DDR2: variants seen among roughly 807,000 people sequenced by gnomAD.
The protein encoded by DDR2 is discoidin domain-containing receptor 2.
DDR2 carries 27 observed loss-of-function variants against 94.9 expected under a neutral mutation model. That is an observed-to-expected ratio of 0.28 (90% CI 0.21 to 0.39). The LOEUF is 0.39. Ranked by LOEUF, DDR2 falls within the 10% of genes least tolerant of loss-of-function variation. The probability of loss-of-function intolerance (pLI) is 1.00; values close to 1 mark genes in which losing one functional copy is unlikely to be tolerated. For synonymous variants in DDR2, 382 were observed against 377.2 expected (o/e 1.01, Z -0.15); for missense variants, 783 against 1,076.0 (o/e 0.73, Z 3.81).
At chr1:162,736,605 A>G (rs1239673773) in intron 3 of DDR2, among the ~76,000 whole-genome samples, 1 of 152,220 alleles carries the variant, frequency 6.6e-6, no homozygotes. Flanking sequence ...TGTCATCATT[A>G]CTGCATTTTA....
Position 162,748,664 on chromosome 1 carries a change from A to T in DDR2, c.83-4431A>T, listed in dbSNP as rs527898210. 1.8e-4 allele frequency among the ~76,000 whole-genome samples: 27 copies of T among 152,324 alleles called. 2 individuals carry two copies. The South Asian group carries it at 3.7e-3, about 21-fold the overall frequency. On this transcript the variant is annotated intron_variant, in intron 3 of 17. Coordinates refer to ENST00000367921, the MANE Select transcript of DDR2 (RefSeq NM_006182.4). ...TCTGCACCAAGTGGACCTAATAGAC[A>T]TCTACAGAACTCTCCACTACAAATC...
intron 3 of DDR2, among the ~76,000 whole-genome samples, chr1:162,742,525 G>A (rs1662662796): frequency 1.3e-5 from 2 of 152,236 alleles, no homozygotes; most frequent in Admixed American, 6.5e-5. Flanking sequence ...TGAACTTAGA[G>A]CGAGAGCTCA....
intron 3 of DDR2, among the ~76,000 whole-genome samples, chr1:162,740,593 G>A (rs1662540253): frequency 6.6e-6 from 1 of 152,082 alleles, no homozygotes; most frequent in African/African-American, 2.4e-5. Context: ...ATAAAAGAAT[G>A]CCTATTCCTT....
In DDR2 at chr1:162,679,868, C is replaced by T. The variant is rs188273747; in HGVS notation, c.-28+24494C>T. Among the ~76,000 whole-genome samples, 113 of 152,178 alleles carry T rather than the reference C, an allele frequency of 7.4e-4. 1 individual carries two copies. The South Asian group carries it at 0.022, about 30-fold the overall frequency. On this transcript the variant is annotated intron_variant, in intron 2 of 17. Coordinates refer to ENST00000367921, the MANE Select transcript of DDR2 (RefSeq NM_006182.4). ...GGTATCTTATTATGGTTTTGATTTG[C>T]AGTGCTCTAATGATTAGTGATGTCA...
chr1:162,755,581 G>A (rs1663423063), intron 6 of DDR2, 83 bp from the exon 7 acceptor site: 1 of 1,344,998 alleles, frequency 7.4e-7, no homozygotes, highest in African/African-American at 1.4e-5. Flanking sequence ...CGCTGTGCAA[G>A]CTTATACCCT....
intron 3 of DDR2, among the ~76,000 whole-genome samples, chr1:162,747,268 C>T (rs1205011319): frequency 6.6e-6 from 1 of 152,028 alleles, no homozygotes; most frequent in South Asian, 2.1e-4. Context: ...AGCTAAAAAC[C>T]TTGAAAAAAG....
chr1:162,771,884 A>G (rs1647239452), intron 12 of DDR2, 140 bp from the exon 13 acceptor site: 1 of 870,736 alleles, frequency 1.1e-6, no homozygotes, highest in Admixed American at 2.3e-5. Context: ...AGGAAGCAAA[A>G]CCATTTTCCA....
intron 2 of DDR2, among the ~76,000 whole-genome samples, chr1:162,665,222 AC>A (rs1355448706): frequency 6.6e-6 from 1 of 152,208 alleles, no homozygotes. Flanking sequence ...CATGCGTTAA[AC>A]ATCATAAAGT....
intron 2 of DDR2, among the ~76,000 whole-genome samples, chr1:162,666,118 G>A (rs1658545700): frequency 6.6e-6 from 1 of 152,148 alleles, no homozygotes; most frequent in African/African-American, 2.4e-5. Context: ...CCAGCACAAA[G>A]GGCACTGTTA....
rs1013008888 is a variant in DDR2 at position 162,781,654 on chromosome 1, G to A, written c.*1408G>A. ...TATACACACTCTTGCCTCTGAGATGGCGTGACCAGCAGAAAAGAAAGCTCA... is the reference window on the plus strand; with the variant it reads ...TATACACACTCTTGCCTCTGAGATGACGTGACCAGCAGAAAAGAAAGCTCA... On this transcript the variant is annotated 3_prime_UTR_variant, in exon 18 of 18. Transcript: ENST00000367921. The A allele has an allele frequency of 9.2e-5, 14 of 152,148 alleles. No homozygotes were observed. The highest frequency in any genetic ancestry group is 2.9e-4 in the African/African-American group (12 of 41,416). The allele number at this position is 152,148 out of a possible 1,614,324, so 9.4% of individuals were successfully genotyped here. A position where few individuals can be genotyped will look rare whatever the true frequency, so the allele number is the denominator to read the frequency against.
intron 7 of DDR2, 98 bp downstream of exon 7, chr1:162,755,867 T>C (rs961253930): frequency 2.0e-6 from 2 of 990,046 alleles, no homozygotes; most frequent in African/African-American, 1.6e-5. Flanking sequence ...AACCAATCAG[T>C]ATTTATTTAG....
At chr1:162,658,434 A>G (rs1257360303) in intron 2 of DDR2, among the ~76,000 whole-genome samples, 1 of 152,180 alleles carries the variant, frequency 6.6e-6, no homozygotes, top group African/African-American at 2.4e-5. Flanking sequence ...GGATTATTTT[A>G]GAAAGGCAAG....
intron 2 of DDR2, among the ~76,000 whole-genome samples, chr1:162,689,439 A>T (rs560033616): frequency 6.6e-6 from 1 of 152,168 alleles, no homozygotes; most frequent in Non-Finnish European, 1.5e-5. Flanking sequence ...TAAGGTTTCA[A>T]CCTAGGCAGT....
chr1:162,752,629 G>T (rs1279204959), intron 3 of DDR2, among the ~76,000 whole-genome samples: 1 of 152,134 alleles, frequency 6.6e-6, no homozygotes, highest in Non-Finnish European at 1.5e-5. Flanking sequence ...TCCCTTCATA[G>T]GTGAGTGTGT....
chr1:162,678,714 G>A (rs1659251763), intron 2 of DDR2, among the ~76,000 whole-genome samples: 1 of 152,146 alleles, frequency 6.6e-6, no homozygotes, highest in Non-Finnish European at 1.5e-5. Flanking sequence ...AAAACCGTCT[G>A]TCCTCACAAA....
intron 13 of DDR2, 87 bp from the exon 14 acceptor site, chr1:162,773,382 T>C: frequency 3.8e-6 from 6 of 1,576,708 alleles, no homozygotes; most frequent in Non-Finnish European, 5.2e-6. Flanking sequence ...TTGTAAGAGT[T>C]AGTTTATCTC....
chr1:162,650,514 T>A (rs1657636022), intron 1 of DDR2, among the ~76,000 whole-genome samples: 1 of 152,132 alleles, frequency 6.6e-6, no homozygotes, highest in Admixed American at 6.5e-5. Flanking sequence ...GAGAATCGCT[T>A]GAACCTGGGA....
In DDR2 at chr1:162,743,734, C is replaced by T. The variant is rs116805561; in HGVS notation, c.83-9361C>T. ...TGAAGTACAATAGACATACAATAGA[C>T]TGCACACATTAAAAATGCACAAGTT... On this transcript the variant is annotated intron_variant, in intron 3 of 17. Coordinates refer to ENST00000367921, the MANE Select transcript of DDR2 (RefSeq NM_006182.4). Among the ~76,000 whole-genome samples, 1,443 of 152,316 alleles carry T rather than the reference C, an allele frequency of 9.5e-3. 21 individuals are homozygous for T. Among genetic ancestry groups the T allele is most frequent in the African/African-American group, 0.033 (1,378 of 41,568 alleles).
chr1:162,655,668 G>C (rs1657919248), intron 2 of DDR2, among the ~76,000 whole-genome samples: 1 of 152,202 alleles, frequency 6.6e-6, no homozygotes, highest in South Asian at 2.1e-4. Context: ...TTTTGAGTAA[G>C]CCAGGGTACC....
Sources: gnomAD v4.1 joint callset for allele counts (sites outside exome capture counted in the v4.1 genomes callset) on GRCh38, gnomAD v4.1.1 for gene constraint, MANE v1.5 for transcripts, NCBI Gene and HGNC (gene_info 2026-07-23, HGNC 2026-07-21) for gene names.